Variants in VPS53 observed in about 807,000 individuals in gnomAD.
VPS53 encodes the protein VPS53 subunit of GARP complex.
In VPS53, 70 loss-of-function variants were observed where a neutral mutation model predicts 107.0. The ratio of observed to expected loss-of-function variants is 0.65; its 90% CI spans 0.54 to 0.80. VPS53 has a LOEUF of 0.80. Ranked by LOEUF, VPS53 falls within the 30% of genes least tolerant of loss-of-function variation. The probability of loss-of-function intolerance (pLI) is 0.00; values close to 1 mark genes in which losing one functional copy is unlikely to be tolerated. For missense variants in VPS53, 917 were observed against 1,049.4 expected, an observed-to-expected ratio of 0.87 and a Z score of 1.74; for synonymous variants, 409 against 393.3, an observed-to-expected ratio of 1.04 and a Z score of -0.47.
chr17:519,487 G>T lies in VPS53; in HGVS notation c.2329-189C>A, dbSNP rs1005424453. ...TAGTAGCGTGGGAGGAAAAGAGAGG[G>T]GAAGAAAAGGTAAAGGAAGGGAAAG... On this transcript the variant is annotated intron_variant, in intron 21 of 21. Transcript: ENST00000437048. This position sits in a 1 kb window ranked among gnomAD's most constrained non-coding sequence, Gnocchi z 5.0. Among the ~76,000 whole-genome samples the T allele has an allele frequency of 3.9e-5, 6 of 152,202 alleles. No individual in the cohort carries two copies. Among genetic ancestry groups the T allele is most frequent in the South Asian group, 2.1e-4 (1 of 4,836 alleles).
At chr17:697,528 T>C (rs1381701227) in intron 3 of VPS53, 44 bp from the exon 4 acceptor site, 1 of 1,500,254 alleles carries the variant, frequency 6.7e-7, no homozygotes, top group South Asian at 1.1e-5. Flanking sequence ...ATAATCTTTA[T>C]TCTAGGTTGA....
In VPS53 at chr17:663,347, G is replaced by A. The variant is rs114259209; in HGVS notation, c.286-1452C>T. Among the ~76,000 whole-genome samples, 678 of 152,368 alleles carry A rather than the reference G, an allele frequency of 4.4e-3. 6 individuals are homozygous for A. Among genetic ancestry groups the A allele is most frequent in the African/African-American group, 0.016 (648 of 41,578 alleles). ...AGCAACATGAGGGCAGTTGTGACATGTGGAGACCAGAAAGTTCCTGTGAGT... is the reference window on the plus strand; with the variant it reads ...AGCAACATGAGGGCAGTTGTGACATATGGAGACCAGAAAGTTCCTGTGAGT... On this transcript the variant is annotated intron_variant, in intron 4 of 21. Transcript: ENST00000437048.
rs60631479 is a variant in VPS53, at chr17:653,245, C to A, written c.608+46G>T. The A allele has an allele frequency of 0.019, 28,969 of 1,525,818 alleles. 1,154 individuals are homozygous for A. Among genetic ancestry groups the A allele is most frequent in the African/African-American group, 0.12 (7,841 of 67,610 alleles). 94.5% of individuals were successfully genotyped at this position (1,525,818 alleles called of 1,614,324 possible). On this transcript the variant is annotated intron_variant, in intron 7 of 21. Transcript: ENST00000437048. ...GACAGTTTACCTTTCGGAAAGCTGC[C>A]GGATCTGCGGAATCCCCATATACTT...
intron 4 of VPS53, among the ~76,000 whole-genome samples, chr17:679,908 G>A (rs138690791): frequency 0.031 from 4,673 of 152,264 alleles, 107 homozygotes; most frequent in Non-Finnish European, 0.048. Flanking sequence ...AGCACTTTGG[G>A]AGGCCGAGGC....
intron 4 of VPS53, among the ~76,000 whole-genome samples, chr17:671,622 T>C (rs1323769723): frequency 6.6e-6 from 1 of 152,146 alleles, no homozygotes; most frequent in East Asian, 1.9e-4. Flanking sequence ...CCCCTCCGCA[T>C]GCGAAATCTT....
intron 14 of VPS53, among the ~76,000 whole-genome samples, chr17:561,279 G>A (rs957744843): frequency 1.3e-5 from 2 of 152,198 alleles, no homozygotes; most frequent in African/African-American, 4.8e-5. Flanking sequence ...TACTGAGTGA[G>A]TTCTATGGTA....
chr17:596,741 C>G (rs1967993186), intron 12 of VPS53, among the ~76,000 whole-genome samples: 1 of 152,176 alleles, frequency 6.6e-6, no homozygotes, highest in African/African-American at 2.4e-5. Context: ...ACTGGCATTT[C>G]CCTTTGCACC....
At chr17:692,654 G>C (rs1487857465) in intron 4 of VPS53, among the ~76,000 whole-genome samples, 4 of 152,162 alleles carry the variant, frequency 2.6e-5, no homozygotes, top group Non-Finnish European at 5.9e-5. Flanking sequence ...TGCTAAAAAT[G>C]TCATTTAAGA....
At chr17:572,102 G>A (rs1322556403) in intron 13 of VPS53, among the ~76,000 whole-genome samples, 3 of 151,410 alleles carry the variant, frequency 2.0e-5, no homozygotes, top group Non-Finnish European at 4.4e-5. Flanking sequence ...AGTGAGGAGC[G>A]CCTCTTCCCG....
At chr17:558,896 G>A (rs1912690885) in intron 15 of VPS53, among the ~76,000 whole-genome samples, 1 of 151,736 alleles carries the variant, frequency 6.6e-6, no homozygotes, top group African/African-American at 2.4e-5. Context: ...TCAGGAGGCT[G>A]AGGCAGAAGA....
At chr17:709,433 T>A (rs573845827) in intron 2 of VPS53, among the ~76,000 whole-genome samples, 1 of 152,256 alleles carries the variant, frequency 6.6e-6, no homozygotes, top group Non-Finnish European at 1.5e-5. Context: ...TTTTACTAAA[T>A]GAATACATGA....
At chr17:621,009 C>T (rs1226183773) in intron 11 of VPS53, among the ~76,000 whole-genome samples, 2 of 152,098 alleles carry the variant, frequency 1.3e-5, no homozygotes, top group East Asian at 1.9e-4. Flanking sequence ...AAAGTACACA[C>T]AAAGTATGTA....
At chr17:686,577 C>T (rs1337501196) in intron 4 of VPS53, among the ~76,000 whole-genome samples, 1 of 152,128 alleles carries the variant, frequency 6.6e-6, no homozygotes, top group African/African-American at 2.4e-5. Flanking sequence ...TAAGCTGTGC[C>T]GCCATTTTTA....
rs73973166 is a variant in VPS53 at position 605,017 on chromosome 17, C to T, written c.1117-3121G>A. 2.8e-3 allele frequency among the ~76,000 whole-genome samples: 419 copies of T among 152,232 alleles called. 3 individuals are homozygous for T. The highest frequency in any genetic ancestry group is 9.8e-3 in the African/African-American group (406 of 41,534). ...AGAAGGGCCAGGAAGGAAAAGCAGT[C>T]GTCATGGAAACGTGCAACAGAGGGC... On this transcript the variant is annotated intron_variant, in intron 11 of 21. Transcript: ENST00000437048.
chr17:608,389 C>T (rs1968680385), intron 11 of VPS53, among the ~76,000 whole-genome samples: 1 of 152,130 alleles, frequency 6.6e-6, no homozygotes, highest in Non-Finnish European at 1.5e-5. Context: ...TCTTCAGAAA[C>T]ATGGGCAACA....
chr17:625,191 G>C (rs999227678), intron 10 of VPS53, among the ~76,000 whole-genome samples: 1 of 151,804 alleles, frequency 6.6e-6, no homozygotes, highest in African/African-American at 2.4e-5. Context: ...GTTTTGCCAT[G>C]TTGCCCAGGC....
rs537780709 is a variant in VPS53, at chr17:652,566, C to T, written c.608+725G>A. On this transcript the variant is annotated intron_variant, in intron 7 of 21. Coordinates refer to ENST00000437048, the MANE Select transcript of VPS53 (RefSeq NM_001128159.3). ...GGAAGACAACAAAGAATCCCAGCAA[C>T]GGCCTGGCCAAGCTCCCAGCTGACA... is the stretch of plus-strand genomic sequence containing the variant. Among the ~76,000 whole-genome samples, 5 of 152,262 alleles carry T rather than the reference C, an allele frequency of 3.3e-5. No individual in the cohort carries two copies. The East Asian group carries it at 7.7e-4, about 24-fold the overall frequency.
intron 4 of VPS53, among the ~76,000 whole-genome samples, chr17:662,526 A>G (rs1399281625): frequency 2.0e-5 from 3 of 151,898 alleles, no homozygotes; most frequent in Admixed American, 6.6e-5. Flanking sequence ...CATCTCTACT[A>G]AAAATACAAA....
At chr17:544,352 C>A (rs73292411) in intron 17 of VPS53, among the ~76,000 whole-genome samples, 28,713 of 152,070 alleles carry the variant, frequency 0.19, 5,377 homozygotes, top group African/African-American at 0.47. Flanking sequence ...TTTTCAAAAA[C>A]ATCTGGTCGG....
Sources: gnomAD v4.1 joint callset for allele counts (sites outside exome capture counted in the v4.1 genomes callset) on GRCh38, gnomAD v4.1.1 for gene constraint, Gnocchi (gnomAD v3.1) non-coding constraint, MANE v1.5 for transcripts, NCBI Gene and HGNC (gene_info 2026-07-23, HGNC 2026-07-21) for gene names.